DCAF8L2: variants seen among roughly 807,000 people sequenced by gnomAD.
DCAF8L2 encodes the protein DDB1- and CUL4-associated factor 8-like protein 2.
For synonymous variants in DCAF8L2, 200 were observed against 190.9 expected (o/e 1.05, Z -0.39); for missense variants, 430 against 490.7 (o/e 0.88, Z 1.17).
intron 2 of DCAF8L2, among the ~76,000 whole-genome samples, chrX:27,671,240 G>A (rs988860551): frequency 8.9e-6 from 1 of 112,047 alleles, no homozygotes; most frequent in East Asian, 2.8e-4. Context: ...GGTTGCTACT[G>A]AGTACCTTTC....
chrX:27,657,128 G>T (rs1489513780), intron 2 of DCAF8L2, among the ~76,000 whole-genome samples: 2 of 111,090 alleles, frequency 1.8e-5, no homozygotes, highest in African/African-American at 6.5e-5. Context: ...AGCTTGCAGA[G>T]AGCCTATTGT....
At chrX:27,474,954 C>T in the DCAF8L2 span, among the ~76,000 whole-genome samples, 1 of 111,140 alleles carries the variant, frequency 9.0e-6, no homozygotes, top group East Asian at 2.9e-4. Context: ...GCCTTGGATG[C>T]TTTGGAAGAG....
At chrX:27,519,113 G>A in the DCAF8L2 span, 5 of 1,087,546 alleles carry the variant, frequency 4.6e-6, no homozygotes, top group Non-Finnish European at 6.4e-6. Context: ...CAGTTGGAAA[G>A]GGCACAATTA....
rs770506122 is a variant in DCAF8L2, at chrX:27,748,280, G to A, written c.1385G>A (p.Arg462Lys). The A allele has an allele frequency of 1.8e-5, 22 of 1,209,916 alleles. No homozygotes were observed. The highest frequency in any genetic ancestry group is 1.8e-4 in the South Asian group (10 of 56,791). Reference protein sequence around the residue: ...SHSDGAQYSKRFKGHRNNTTV... With the variant: ...SHSDGAQYSKKFKGHRNNTTV... ...AGTGATGGTGCTCAATACAGTAAGA[G>A]ATTTAAGGGACACAGAAATAATACC... The change falls in exon 5 of 5, where the codon AGA (arginine) becomes AAA (lysine). Residue 462 changes from arginine to lysine, a missense_variant. Arg to Lys is a conservative substitution (Grantham distance 26). Transcript: ENST00000451261.
At chrX:27,519,245 A>G in the DCAF8L2 span, 1 of 971,297 alleles carries the variant, frequency 1.0e-6, no homozygotes, top group Admixed American at 2.2e-5. Flanking sequence ...GCCCAGAAAT[A>G]ACTAGAAGAA....
intron 2 of DCAF8L2, among the ~76,000 whole-genome samples, chrX:27,637,498 A>T (rs1236635517): frequency 8.9e-6 from 1 of 111,981 alleles, no homozygotes; most frequent in Non-Finnish European, 1.9e-5. Context: ...GCATGTGCCA[A>T]CCAGGACCAG....
intron 4 of DCAF8L2, among the ~76,000 whole-genome samples, chrX:27,723,942 T>TA (rs200536108): frequency 0.082 from 9,062 of 109,975 alleles, 358 homozygotes; most frequent in Middle Eastern, 0.11. Context: ...CATTTTAGAG[T>TA]AAAAAAAACA....
chrX:27,678,473 T>A (rs1312583418), intron 3 of DCAF8L2, among the ~76,000 whole-genome samples: 1 of 112,184 alleles, frequency 8.9e-6, no homozygotes, highest in African/African-American at 3.2e-5. Flanking sequence ...AAATGTGGTA[T>A]ATATAGAATC....
intron 3 of DCAF8L2, among the ~76,000 whole-genome samples, chrX:27,707,020 G>A (rs781136249): frequency 6.3e-5 from 7 of 111,881 alleles, no homozygotes; most frequent in Non-Finnish European, 7.5e-5. Context: ...AATGAAATAA[G>A]CCAGTCACGG....
chrX:27,514,668 C>CAAAAAAAAAAA, the DCAF8L2 span, among the ~76,000 whole-genome samples: 2 of 2,527 alleles, frequency 7.9e-4, no homozygotes, highest in Non-Finnish European at 7.4e-4. Context: ...GACTCCGTCT[C>CAAAAAAAAAAA]AAAAAAAAAA....
chrX:27,591,229 A>G (rs751371328), intron 1 of DCAF8L2, among the ~76,000 whole-genome samples: 16 of 110,109 alleles, frequency 1.5e-4, no homozygotes, highest in African/African-American at 4.3e-4. Context: ...CTATTTGCCA[A>G]TAACATTTGG....
chrX:27,587,315 A>G (rs1602627841), upstream of DCAF8L2, among the ~76,000 whole-genome samples: 1 of 111,634 alleles, frequency 9.0e-6, no homozygotes, highest in East Asian at 2.8e-4. Flanking sequence ...TAGAGAGAAT[A>G]TAAGAGGTGA....
chrX:27,620,818 T>A lies in DCAF8L2; in HGVS notation c.-341-11061T>A, dbSNP rs1180261470. Among the ~76,000 whole-genome samples, 3 of 111,970 alleles carry A rather than the reference T, an allele frequency of 2.7e-5. No homozygotes were observed. In the Admixed American group the frequency reaches 2.9e-4, roughly 11 times the overall value. The stretch of plus-strand genomic sequence containing the variant: ...ATGGTCCAGCAATTCCATTTCTAGA[T>A]ATGTACCCCAAATAATTAAAAACAG... On this transcript the variant is annotated intron_variant, in intron 1 of 4. Transcript: ENST00000451261.
chrX:27,495,009 C>A, the DCAF8L2 span, among the ~76,000 whole-genome samples: 52 of 111,220 alleles, frequency 4.7e-4, no homozygotes, highest in African/African-American at 1.6e-3. Flanking sequence ...AGACGTACTG[C>A]TCTATTTTAT....
the DCAF8L2 span, among the ~76,000 whole-genome samples, chrX:27,564,522 G>C: frequency 6.7e-4 from 51 of 76,341 alleles, no homozygotes; most frequent in Admixed American, 6.4e-3. Context: ...TTACACACAC[G>C]TGCACGCACA....
chrX:27,643,862 C>G (rs1928837504), intron 2 of DCAF8L2, among the ~76,000 whole-genome samples: 1 of 111,671 alleles, frequency 9.0e-6, no homozygotes, highest in Non-Finnish European at 1.9e-5. Flanking sequence ...CAGGACATCT[C>G]TACCTACTTG....
the DCAF8L2 span, among the ~76,000 whole-genome samples, chrX:27,564,199 G>C: frequency 9.0e-6 from 1 of 111,013 alleles, no homozygotes; most frequent in African/African-American, 3.3e-5. Context: ...AGGGAGAAGT[G>C]TCAAGCAAAA....
the DCAF8L2 span, among the ~76,000 whole-genome samples, chrX:27,477,799 C>T: frequency 9.0e-6 from 1 of 111,558 alleles, no homozygotes; most frequent in Non-Finnish European, 1.9e-5. Flanking sequence ...GTAAGTAATG[C>T]GAAATGAGAG....
the DCAF8L2 span, among the ~76,000 whole-genome samples, chrX:27,558,498 C>A: frequency 1.4e-4 from 16 of 111,470 alleles, no homozygotes; most frequent in African/African-American, 4.9e-4. Context: ...GATTCTACTT[C>A]TTAGTTTCCA....
Sources: allele counts gnomAD v4.1 joint callset (sites outside exome capture counted in the v4.1 genomes callset), GRCh38; gene constraint gnomAD v4.1.1; transcripts MANE v1.5; gene names NCBI Gene and HGNC (gene_info 2026-07-23, HGNC 2026-07-21).